KCNH1: variants seen among roughly 807,000 people sequenced by gnomAD.
KCNH1 encodes voltage-gated delayed rectifier potassium channel KCNH1.
KCNH1 carries 27 observed loss-of-function variants against 69.2 expected under a neutral mutation model. The ratio of observed to expected loss-of-function variants is 0.39; its 90% CI spans 0.29 to 0.54. KCNH1 has a LOEUF of 0.54. KCNH1 is among the 20% of genes least tolerant of loss of function. KCNH1 has a pLI of 0.68. For missense variants in KCNH1, 798 were observed against 1,261.6 expected (o/e 0.63, Z 5.57); for synonymous variants, 456 against 487.7 (o/e 0.93, Z 0.86).
At chr1:210,974,561 C>CTT (rs11321855) in intron 6 of KCNH1, among the ~76,000 whole-genome samples, 25 of 95,246 alleles carry the variant, frequency 2.6e-4, no homozygotes, top group Admixed American at 3.4e-4. Flanking sequence ...TTTCTTCATC[C>CTT]TTTTTTTTTT....
At chr1:210,873,049 A>G (rs1686285894) in intron 7 of KCNH1, among the ~76,000 whole-genome samples, 1 of 152,148 alleles carries the variant, frequency 6.6e-6, no homozygotes, top group South Asian at 2.1e-4. Flanking sequence ...GGCTTTCTGT[A>G]GCTTTTGACA....
intron 7 of KCNH1, among the ~76,000 whole-genome samples, chr1:210,870,311 C>T (rs1046419284): frequency 5.3e-5 from 8 of 152,110 alleles, no homozygotes; most frequent in African/African-American, 1.9e-4. Flanking sequence ...TCCATCCTCA[C>T]CCCCACACCT....
chr1:211,094,229 C>T (rs1048300590), intron 3 of KCNH1, among the ~76,000 whole-genome samples: 1 of 152,138 alleles, frequency 6.6e-6, no homozygotes, highest in Non-Finnish European at 1.5e-5. Flanking sequence ...CTCACGTATA[C>T]AGTTCACAAT....
intron 9 of KCNH1, among the ~76,000 whole-genome samples, chr1:210,786,256 G>A (rs1439007475): frequency 6.6e-6 from 1 of 152,166 alleles, no homozygotes. Context: ...TAGCACACAC[G>A]TACGGTGTTT....
At chr1:210,843,912 T>C (rs184777827) in intron 7 of KCNH1, among the ~76,000 whole-genome samples, 21 of 152,276 alleles carry the variant, frequency 1.4e-4, no homozygotes, top group African/African-American at 4.8e-4. Context: ...AGCAATTGAC[T>C]CTGAGTAAGA....
chr1:211,040,186 G>A (rs1373424310), intron 5 of KCNH1, among the ~76,000 whole-genome samples: 3 of 119,636 alleles, frequency 2.5e-5, no homozygotes, highest in East Asian at 2.2e-4. Context: ...GCAAGACTCC[G>A]TCTCAAAAAA....
intron 6 of KCNH1, among the ~76,000 whole-genome samples, chr1:210,923,036 C>T (rs967135632): frequency 2.0e-5 from 3 of 152,090 alleles, no homozygotes; most frequent in Admixed American, 2.0e-4. Context: ...CTAGTATGTA[C>T]TCTTTGTGCT....
intron 5 of KCNH1, among the ~76,000 whole-genome samples, chr1:211,059,884 C>A (rs1249783965): frequency 6.6e-6 from 1 of 152,092 alleles, no homozygotes; most frequent in Non-Finnish European, 1.5e-5. Context: ...ACACTACAGA[C>A]CTAACAAATG....
intron 7 of KCNH1, among the ~76,000 whole-genome samples, chr1:210,839,228 C>T (rs1173257188): frequency 1.3e-5 from 2 of 152,070 alleles, no homozygotes; most frequent in African/African-American, 2.4e-5. Context: ...ACTATGCAGC[C>T]GTTAAAAGGA....
At chr1:210,689,823 G>C (rs1477448826) in intron 10 of KCNH1, among the ~76,000 whole-genome samples, 1 of 152,220 alleles carries the variant, frequency 6.6e-6, no homozygotes, top group East Asian at 1.9e-4. Context: ...TAGTGAGTGA[G>C]AATTTCCCGT....
chr1:210,924,556 T>G (rs533066912), intron 6 of KCNH1, among the ~76,000 whole-genome samples: 45 of 152,342 alleles, frequency 3.0e-4, no homozygotes, highest in African/African-American at 1.1e-3. Context: ...CTTACTTGCC[T>G]GAGTTCAGTA....
At chr1:211,000,861 A>C (rs1247422622) in intron 6 of KCNH1, among the ~76,000 whole-genome samples, 3 of 151,880 alleles carry the variant, frequency 2.0e-5, no homozygotes, top group African/African-American at 4.8e-5. Flanking sequence ...TAATACCACA[A>C]ATCTACAACC....
Position 211,019,062 on chromosome 1 carries a change from C to A in KCNH1, c.753G>T (p.Leu251=). 6.2e-7 allele frequency: 1 copy of A among 1,614,004 alleles called. No homozygotes were observed. The highest frequency in any genetic ancestry group is 8.5e-7 in the Non-Finnish European group (1 of 1,179,968). ...FKTRQNNVAW[L]VVDSIVDVIF... ...TAACATCCACGATGCTATCAACAACCAGCCAGGCCACATTATTCTGCCTGG... is the reference window on the plus strand; with the variant it reads ...TAACATCCACGATGCTATCAACAACAAGCCAGGCCACATTATTCTGCCTGG... Residue 251 remains leucine (L), a synonymous_variant, in exon 6 of 11, where the codon CTG becomes CTT. Transcript: ENST00000271751.
chr1:211,103,412 A>T (rs538020615), intron 3 of KCNH1, 84 bp downstream of exon 3: 1 of 882,684 alleles, frequency 1.1e-6, no homozygotes, highest in East Asian at 2.5e-5. Context: ...AGAGAAGAAA[A>T]ACCAAGACAG....
intron 6 of KCNH1, among the ~76,000 whole-genome samples, chr1:210,930,813 A>T (rs550982547): frequency 2.6e-5 from 4 of 152,118 alleles, no homozygotes; most frequent in Non-Finnish European, 5.9e-5. Context: ...ATCCAGAATC[A>T]ACAAAGAACT....
At chr1:211,109,415 A>G (rs1367314322) in intron 1 of KCNH1, among the ~76,000 whole-genome samples, 2 of 152,262 alleles carry the variant, frequency 1.3e-5, no homozygotes, top group Non-Finnish European at 2.9e-5. Context: ...GAATAAACTC[A>G]CATTTCCTGA....
chr1:210,912,425 G>A (rs992250679), intron 7 of KCNH1, among the ~76,000 whole-genome samples: 1 of 152,066 alleles, frequency 6.6e-6, no homozygotes, highest in African/African-American at 2.4e-5. Flanking sequence ...TTGTATCTAA[G>A]GAACGTCATA....
chr1:210,818,158 C>G (rs1684856890), intron 7 of KCNH1, among the ~76,000 whole-genome samples: 1 of 152,076 alleles, frequency 6.6e-6, no homozygotes, highest in East Asian at 1.9e-4. Context: ...CCTTTGAGCT[C>G]TAATATATGA....
chr1:210,814,168 G>A (rs1048674687), intron 7 of KCNH1, among the ~76,000 whole-genome samples: 2 of 152,170 alleles, frequency 1.3e-5, no homozygotes, highest in Non-Finnish European at 2.9e-5. Context: ...ATAGGAGGAG[G>A]ACGCACAGGA....
Sources: allele counts gnomAD v4.1 joint callset (sites outside exome capture counted in the v4.1 genomes callset), GRCh38; gene constraint gnomAD v4.1.1; transcripts MANE v1.5; gene names NCBI Gene and HGNC (gene_info 2026-07-23, HGNC 2026-07-21).